The following DAB1 variants were observed in gnomAD, a reference collection of about 807,000 sequenced individuals.
DAB1 encodes the protein DAB adaptor protein 1, also known as disabled homolog 1.
DAB1 carries 15 observed loss-of-function variants against 64.6 expected under a neutral mutation model. The ratio of observed to expected loss-of-function variants is 0.23; its 90% CI spans 0.16 to 0.36. The LOEUF (loss-of-function observed/expected upper bound fraction) is 0.36, where lower values mean the gene tolerates loss of function less well. Ranked by LOEUF, DAB1 falls within the 10% of genes least tolerant of loss-of-function variation. The probability of loss-of-function intolerance (pLI) is 1.00; values close to 1 mark genes in which losing one functional copy is unlikely to be tolerated. For missense variants in DAB1, 596 were observed against 706.7 expected (o/e 0.84, Z 1.78); for synonymous variants, 235 against 251.9 (o/e 0.93, Z 0.64).
chr1:57,144,389 T>C (rs1032258735), intron 3 of DAB1, among the ~76,000 whole-genome samples: 2 of 152,086 alleles, frequency 1.3e-5, no homozygotes, highest in Non-Finnish European at 2.9e-5. Flanking sequence ...ATTTATTTTG[T>C]ATATTTAAAA....
chr1:57,925,949 G>C (rs1202760), intron 5 of DAB1, among the ~76,000 whole-genome samples: 17 of 152,038 alleles, frequency 1.1e-4, no homozygotes, highest in African/African-American at 3.9e-4. Context: ...CCTTGGACAG[G>C]GGCTAGCTGA....
chr1:58,425,366 C>G (rs534122366), intron 3 of DAB1, among the ~76,000 whole-genome samples: 1 of 152,318 alleles, frequency 6.6e-6, no homozygotes, highest in South Asian at 2.1e-4. Flanking sequence ...GTCACAGGGT[C>G]CAGCTGTTTC....
chr1:58,221,411 T>C (rs2100324112), intron 4 of DAB1, among the ~76,000 whole-genome samples: 1 of 152,330 alleles, frequency 6.6e-6, no homozygotes, highest in East Asian at 1.9e-4. Context: ...GCTTGTAAAA[T>C]GATAACAGCT....
intron 5 of DAB1, among the ~76,000 whole-genome samples, chr1:58,025,665 A>ATATATATGTG (rs1646882590): frequency 7.1e-6 from 1 of 140,688 alleles, no homozygotes; most frequent in African/African-American, 2.7e-5. Flanking sequence ...ATATATATAT[A>ATATATATGTG]TATATATATA....
At chr1:58,265,879 T>A (rs990139819) in intron 4 of DAB1, among the ~76,000 whole-genome samples, 1 of 152,194 alleles carries the variant, frequency 6.6e-6, no homozygotes, top group Admixed American at 6.5e-5. Flanking sequence ...CATAAATGAC[T>A]CATATTTGTC....
At chr1:57,106,218 G>A (rs1388903725) in intron 4 of DAB1, among the ~76,000 whole-genome samples, 5 of 149,908 alleles carry the variant, frequency 3.3e-5, no homozygotes, top group African/African-American at 9.9e-5. Flanking sequence ...TTTATTTGAT[G>A]TTTCAAAATC....
At chr1:57,486,142 A>T (rs1644089229) in intron 7 of DAB1, among the ~76,000 whole-genome samples, 1 of 152,216 alleles carries the variant, frequency 6.6e-6, no homozygotes, top group African/African-American at 2.4e-5. Flanking sequence ...AGGATTTTTC[A>T]GGATTGCTTT....
chr1:58,216,431 G>T (rs1278220440), intron 4 of DAB1, among the ~76,000 whole-genome samples: 1 of 152,084 alleles, frequency 6.6e-6, no homozygotes, highest in African/African-American at 2.4e-5. Flanking sequence ...GTCTATCATT[G>T]ATGGGCATTT....
intron 4 of DAB1, among the ~76,000 whole-genome samples, chr1:58,337,069 G>T (rs1663135117): frequency 1.3e-5 from 2 of 152,142 alleles, no homozygotes; most frequent in African/African-American, 4.8e-5. Context: ...ACCACCTGAG[G>T]TCAGGAGTTT....
At chr1:57,216,087 G>A (rs1389552015) in intron 2 of DAB1, among the ~76,000 whole-genome samples, 1 of 152,026 alleles carries the variant, frequency 6.6e-6, no homozygotes. Context: ...CATTAATACT[G>A]TGGTTTGCAT....
chr1:57,759,948 G>A (rs537982308), intron 6 of DAB1, among the ~76,000 whole-genome samples: 2 of 152,260 alleles, frequency 1.3e-5, no homozygotes, highest in African/African-American at 4.8e-5. Context: ...CGTATACAGG[G>A]ACCTTTGTAT....
At chr1:57,461,943 C>CT (rs545743407) in intron 7 of DAB1, among the ~76,000 whole-genome samples, 1,046 of 100,318 alleles carry the variant, frequency 0.01, 52 homozygotes, top group East Asian at 0.03. Flanking sequence ...AAGATATACT[C>CT]TTTTTTTTTT....
chr1:57,237,532 G>A (rs1158122629), intron 2 of DAB1, among the ~76,000 whole-genome samples: 1 of 152,100 alleles, frequency 6.6e-6, no homozygotes, highest in African/African-American at 2.4e-5. Flanking sequence ...CTAAGCAAAG[G>A]CATTCATTAT....
intron 4 of DAB1, among the ~76,000 whole-genome samples, chr1:57,084,141 T>C (rs1652826950): frequency 1.3e-5 from 2 of 151,998 alleles, no homozygotes; most frequent in Admixed American, 1.3e-4. Flanking sequence ...AAAAACAGAG[T>C]CATTATAGAA....
chr1:57,852,970 C>A (rs1653599134), intron 1 of DAB1, among the ~76,000 whole-genome samples: 1 of 152,144 alleles, frequency 6.6e-6, no homozygotes, highest in Non-Finnish European at 1.5e-5. Context: ...ATATTTTCTA[C>A]ACTATACTAA....
chr1:57,024,175 C>T (rs547844119), intron 10 of DAB1, among the ~76,000 whole-genome samples: 13 of 152,146 alleles, frequency 8.5e-5, no homozygotes, highest in South Asian at 4.2e-4. Context: ...GGTGCCCCCC[C>T]GCCACACCCC....
chr1:58,016,231 C>T (rs911934048), intron 5 of DAB1, among the ~76,000 whole-genome samples: 1 of 152,142 alleles, frequency 6.6e-6, no homozygotes, highest in African/African-American at 2.4e-5. Flanking sequence ...TCTGAACCAA[C>T]CATTCTGCCC....
intron 4 of DAB1, among the ~76,000 whole-genome samples, chr1:58,290,907 G>C (rs1661812249): frequency 6.6e-6 from 1 of 152,068 alleles, no homozygotes; most frequent in Non-Finnish European, 1.5e-5. Context: ...GCAGACCCGA[G>C]GGTCAGCCAA....
chr1:58,220,874 C>T (rs796668514), intron 4 of DAB1, among the ~76,000 whole-genome samples: 2 of 86,558 alleles, frequency 2.3e-5, no homozygotes, highest in African/African-American at 7.8e-5. Context: ...TACATATATA[C>T]ACACACACAC....
Sources: allele counts gnomAD v4.1 joint callset (sites outside exome capture counted in the v4.1 genomes callset), GRCh38; gene constraint gnomAD v4.1.1; transcripts MANE v1.5; gene names NCBI Gene and HGNC (gene_info 2026-07-23, HGNC 2026-07-21).